TRIOBP: variants seen among roughly 807,000 people sequenced by gnomAD.
TRIOBP encodes the protein TRIO and F-actin-binding protein.
Under a neutral mutation model 238.8 loss-of-function variants are expected in TRIOBP, and 169 were observed. The ratio of observed to expected loss-of-function variants is 0.71; its 90% CI spans 0.62 to 0.80. The LOEUF (loss-of-function observed/expected upper bound fraction) is 0.80. Among genes scored for constraint, TRIOBP ranks in the 30% least tolerant of loss-of-function variants. The probability of loss-of-function intolerance (pLI) is 0.00; values close to 1 mark genes in which losing one functional copy is unlikely to be tolerated. For synonymous variants in TRIOBP, 1,150 were observed against 1,274.4 expected, an observed-to-expected ratio of 0.90 and a Z score of 2.08; for missense variants, 2,838 against 3,122.6, an observed-to-expected ratio of 0.91 and a Z score of 2.17.
Position 37,734,381 on chromosome 22 carries a change from C to G in TRIOBP, c.4063-18C>G. ...CCCCAGAGAGAGAGCCTCACCTACC[C>G]CCTCACCTCATCCCCAGGTGACCAT... On this transcript the variant is annotated intron_variant, in intron 8 of 23. Transcript: ENST00000644935. 1.2e-6 allele frequency: 2 copies of G among 1,609,988 alleles called. No individual in the cohort carries two copies. The highest frequency in any genetic ancestry group is 8.5e-7 in the Non-Finnish European group (1 of 1,177,684).
intron 11 of TRIOBP, among the ~76,000 whole-genome samples, chr22:37,747,676 C>T (rs1925356526): frequency 6.6e-6 from 1 of 152,208 alleles, no homozygotes. Context: ...GAGAAGTTGC[C>T]TTGCCCACCG....
rs538445922 is a variant in TRIOBP at position 37,753,569 on chromosome 22, G to A, written c.5380-1308G>A. 9.8e-5 allele frequency among the ~76,000 whole-genome samples: 15 copies of A among 152,312 alleles called. No individual in the cohort carries two copies. In the South Asian group the frequency reaches 3.1e-3, roughly 32 times the overall value. ...GCTGGGATTATAGGCGCGAGCTACC[G>A]CGCCCAGCTATAGGGACTTCTTAGT... On this transcript the variant is annotated intron_variant, in intron 12 of 23. Coordinates refer to ENST00000644935, the MANE Select transcript of TRIOBP (RefSeq NM_001039141.3).
intron 17 of TRIOBP, chr22:37,759,608 G>C (rs893437216): frequency 1.9e-6 from 3 of 1,556,784 alleles, no homozygotes; most frequent in Non-Finnish European, 2.6e-6. Flanking sequence ...CCGGGGAAGT[G>C]GGGGGCTAGT....
rs545978077 is a variant in TRIOBP, at chr22:37,764,111, G to A, written c.6325-1559G>A. Among the ~76,000 whole-genome samples, 4 of 152,316 alleles carry A rather than the reference G, an allele frequency of 2.6e-5. No homozygotes were observed. In the South Asian group the frequency reaches 8.3e-4, roughly 32 times the overall value. The stretch of plus-strand genomic sequence containing the variant: ...ACCCTTGTGATTACACTGGGCTTGA[G>A]GGATAATCTGGGATAATCTCCCGAT... On this transcript the variant is annotated intron_variant, in intron 17 of 23. Transcript: ENST00000644935.
intron 7 of TRIOBP, among the ~76,000 whole-genome samples, chr22:37,728,259 C>CT (rs1924271261): frequency 1.7e-5 from 1 of 58,760 alleles, no homozygotes; most frequent in Non-Finnish European, 3.6e-5. Context: ...GAGACTCCGT[C>CT]TCAAAAAAAA....
chr22:37,765,527 G>A, intron 17 of TRIOBP, 143 bp from the exon 18 acceptor site: 1 of 1,068,052 alleles, frequency 9.4e-7, no homozygotes, highest in Non-Finnish European at 1.4e-6. Context: ...GGGGGTGGGA[G>A]CAGGAGCAGG....
intron 11 of TRIOBP, among the ~76,000 whole-genome samples, chr22:37,748,611 C>T (rs5756805): frequency 0.37 from 55,642 of 152,052 alleles, 11,320 homozygotes; most frequent in East Asian, 0.6. Context: ...CAAACACTCC[C>T]TGAGCCCCTA....
chr22:37,718,061 C>T (rs1923623314), intron 6 of TRIOBP, among the ~76,000 whole-genome samples: 1 of 152,204 alleles, frequency 6.6e-6, no homozygotes, highest in African/African-American at 2.4e-5. Flanking sequence ...ACCCAGCACA[C>T]CCTCCCCAGC....
Position 37,710,492 on chromosome 22 carries a change from T to A in TRIOBP, c.180T>A (p.Pro60=). The part of the protein sequence containing the change: ...YCDLPRCPPA[P]EDPLSASTSG... ...ACCTGCCTCGATGTCCACCTGCCCC[T>A]GAGGACCCACTCAGCGCCTCAACCT... Residue 60 remains proline (P), a synonymous_variant, in exon 4 of 24, where the codon CCT becomes CCA. Coordinates refer to ENST00000644935, the MANE Select transcript of TRIOBP (RefSeq NM_001039141.3). 1 of 1,612,894 alleles carries A rather than the reference T, an allele frequency of 6.2e-7. No individual in the cohort carries two copies. The highest frequency in any genetic ancestry group is 8.5e-7 in the Non-Finnish European group (1 of 1,179,878).
chr22:37,725,393 G>A lies in TRIOBP; in HGVS notation c.2837G>A (p.Arg946Lys). The A allele has an allele frequency of 6.2e-7, 1 of 1,611,302 alleles. No individual in the cohort carries two copies. The highest frequency in any genetic ancestry group is 8.5e-7 in the Non-Finnish European group (1 of 1,178,116). ...SIALRPTQGD[R>K]PQTSSPSRPA... The stretch of plus-strand genomic sequence containing the variant: ...GCCCTCCGGCCAACCCAAGGTGACA[G>A]GCCTCAGACATCCTCTCCCAGCAGG... Residue 946 changes from arginine (R) to lysine (K), a missense_variant, in exon 7 of 24, where the codon AGG becomes AAG. Arg to Lys is a conservative substitution (Grantham distance 26). Coordinates refer to ENST00000644935, the MANE Select transcript of TRIOBP (RefSeq NM_001039141.3).
intron 17 of TRIOBP, among the ~76,000 whole-genome samples, chr22:37,761,663 A>G (rs978977777): frequency 6.6e-6 from 1 of 152,002 alleles, no homozygotes; most frequent in African/African-American, 2.4e-5. Context: ...AGATCTACGG[A>G]AGGCAGAGGG....
chr22:37,703,677 T>C (rs1441277313), intron 3 of TRIOBP, among the ~76,000 whole-genome samples: 1 of 151,884 alleles, frequency 6.6e-6, no homozygotes, highest in Admixed American at 6.6e-5. Flanking sequence ...GCTAATTTTT[T>C]GTCTTTTTAG....
intron 11 of TRIOBP, chr22:37,746,560 C>G (rs1925283599): frequency 7.8e-6 from 6 of 769,792 alleles, no homozygotes; most frequent in Non-Finnish European, 1.0e-5. Flanking sequence ...AAGACGGGGC[C>G]ACCTCCGAAG....
In TRIOBP at chr22:37,725,221, T is replaced by C. The variant is rs1924073056; in HGVS notation, c.2665T>C (p.Trp889Arg). 6.2e-7 allele frequency: 1 copy of C among 1,613,936 alleles called. No homozygotes were observed. Among genetic ancestry groups the C allele is most frequent in the South Asian group, 1.1e-5 (1 of 91,070 alleles). Residue 889 changes from tryptophan (W) to arginine (R), a missense_variant, in exon 7 of 24, where the codon TGG becomes CGG. By Grantham distance (101) the Trp-to-Arg change is moderately radical (BLOSUM62 -3). Around this residue, in one of 5 missense-constraint regions of TRIOBP, gnomAD observed 2,096 missense variants for 2,137.4 expected, o/e 0.98. Coordinates refer to ENST00000644935, the MANE Select transcript of TRIOBP (RefSeq NM_001039141.3). ...ATCATCTCCCCACCGCTCCACTCAA[T>C]GGAACAATCCCAGGAATTCATCTCC... is the stretch of plus-strand genomic sequence containing the variant. ...RPSSPHRSTQWNNPRNSSPHR... is the reference protein window; with the variant it reads ...RPSSPHRSTQRNNPRNSSPHR...
intron 11 of TRIOBP, among the ~76,000 whole-genome samples, chr22:37,749,432 C>A (rs1309005700): frequency 1.3e-5 from 2 of 152,070 alleles, no homozygotes; most frequent in Non-Finnish European, 2.9e-5. Context: ...GTGAGTCCCG[C>A]CAGCCCGAGG....
At chr22:37,720,258 C>A (rs578020975) in intron 6 of TRIOBP, among the ~76,000 whole-genome samples, 1 of 152,154 alleles carries the variant, frequency 6.6e-6, no homozygotes, top group Non-Finnish European at 1.5e-5. Flanking sequence ...ATCCGCTGAT[C>A]CGCCTGCCTC....
At chr22:37,699,977 C>G (rs547741619) in intron 2 of TRIOBP, among the ~76,000 whole-genome samples, 1 of 152,166 alleles carries the variant, frequency 6.6e-6, no homozygotes, top group African/African-American at 2.4e-5. Flanking sequence ...CTCCCAGGTT[C>G]AAGCGATTCT....
chr22:37,740,887 T>C lies in TRIOBP; in HGVS notation c.5185-8T>C, dbSNP rs761889838. 1.3e-6 allele frequency: 2 copies of C among 1,569,210 alleles called. No homozygotes were observed. The highest frequency in any genetic ancestry group is 1.7e-6 in the Non-Finnish European group (2 of 1,156,820). ...GACCTGGGGCCAACACTGGACCCTGTTTGACAGGCAGACAAGAGGCCAGCA... is the reference window on the plus strand; with the variant it reads ...GACCTGGGGCCAACACTGGACCCTGCTTGACAGGCAGACAAGAGGCCAGCA... On this transcript the variant is annotated splice_region_variant and splice_polypyrimidine_tract_variant and intron_variant, in intron 10 of 23. Transcript: ENST00000644935.
At chr22:37,712,524 G>A (rs1923305167) in intron 4 of TRIOBP, among the ~76,000 whole-genome samples, 1 of 151,934 alleles carries the variant, frequency 6.6e-6, no homozygotes, top group African/African-American at 2.4e-5. Context: ...TAGTAGAGAC[G>A]GGGTTTCACC....
Sources: gnomAD v4.1 joint callset for allele counts (sites outside exome capture counted in the v4.1 genomes callset) on GRCh38, gnomAD v4.1.1 for gene constraint, gnomAD v4.1.1 regional missense constraint, MANE v1.5 for transcripts, NCBI Gene and HGNC (gene_info 2026-07-23, HGNC 2026-07-21) for gene names.